Variants in RAPH1 observed in about 807,000 individuals in gnomAD.
RAPH1 encodes ras-associated and pleckstrin homology domains-containing protein 1.
A neutral mutation model predicts 88.1 loss-of-function variants in RAPH1; 18 were observed. That is an observed-to-expected ratio of 0.20 (90% CI 0.14 to 0.30). The LOEUF is 0.30. Ranked by LOEUF, RAPH1 falls within the 10% of genes least tolerant of loss-of-function variation. RAPH1 has a pLI of 1.00. For synonymous variants in RAPH1, 587 were observed against 559.0 expected (o/e 1.05, Z -0.71); for missense variants, 1,448 against 1,543.2 (o/e 0.94, Z 1.03).
rs752899091 is a variant in RAPH1, at chr2:203,440,682, G to C, written c.2508C>G (p.Pro836=). The C allele has an allele frequency of 1.3e-6, 2 of 1,582,390 alleles. No individual in the cohort carries two copies. Among genetic ancestry groups the C allele is most frequent in the Non-Finnish European group, 1.7e-6 (2 of 1,163,468 alleles). ...TCTGTTGCTTGGGTAATGTTGGCGG[G>C]GGTACTGGAACAGGAGGGGTAGGGG... ...PSPPTPPVPV[P]PPTLPKQQSF... The change falls in exon 14 of 14, where the codon CCC becomes CCG. Residue 836 remains proline (P), a synonymous_variant. Transcript: ENST00000319170.
chr2:203,520,222 C>G (rs922574895), intron 1 of RAPH1, among the ~76,000 whole-genome samples: 1 of 151,912 alleles, frequency 6.6e-6, no homozygotes, highest in Non-Finnish European at 1.5e-5. Context: ...GTCTCAGCAA[C>G]TTGGGAGGCT....
intron 1 of RAPH1, among the ~76,000 whole-genome samples, chr2:203,525,309 C>T (rs1270135006): frequency 2.6e-5 from 4 of 152,108 alleles, no homozygotes. Flanking sequence ...TGTCAGTTTC[C>T]AGAGTAGCTG....
intron 1 of RAPH1, among the ~76,000 whole-genome samples, chr2:203,529,005 ATTTT>A (rs66832810): frequency 7.5e-4 from 31 of 41,134 alleles, no homozygotes; most frequent in African/African-American, 1.8e-3. Flanking sequence ...ATATATATAT[ATTTT>A]TTTTTTTTTT....
chr2:203,472,466 C>T (rs1444785523), intron 4 of RAPH1, among the ~76,000 whole-genome samples: 1 of 152,186 alleles, frequency 6.6e-6, no homozygotes, highest in Non-Finnish European at 1.5e-5. Flanking sequence ...CTTGCTTTCA[C>T]TTAAAAATAA....
intron 1 of RAPH1, among the ~76,000 whole-genome samples, chr2:203,534,141 C>G (rs553901077): frequency 6.6e-6 from 1 of 152,182 alleles, no homozygotes; most frequent in Non-Finnish European, 1.5e-5. Flanking sequence ...CTTTACTGTT[C>G]CTTAACGGTG....
intron 1 of RAPH1, among the ~76,000 whole-genome samples, chr2:203,505,843 G>GCGCA (rs1559493345): frequency 6.6e-6 from 1 of 152,072 alleles, no homozygotes; most frequent in African/African-American, 2.4e-5. Flanking sequence ...ACACACGCGC[G>GCGCA]CGCACGCACA....
intron 1 of RAPH1, among the ~76,000 whole-genome samples, chr2:203,506,743 T>G (rs1689026577): frequency 9.3e-6 from 1 of 107,148 alleles, no homozygotes; most frequent in Admixed American, 8.7e-5. Flanking sequence ...GATATATATC[T>G]ATATATATAT....
chr2:203,439,819 C>T lies in RAPH1; in HGVS notation c.3371G>A (p.Arg1124Gln), dbSNP rs757405263. The change falls in exon 14 of 14, where the codon CGA becomes CAA. Residue 1124 changes from arginine (R) to glutamine (Q), a missense_variant. Physicochemically the swap from Arg to Gln is conservative, Grantham distance 43. Around this residue, in one of 2 missense-constraint regions of RAPH1, gnomAD observed 935 missense variants for 890.1 expected, o/e 1.05. Coordinates refer to ENST00000319170, the MANE Select transcript of RAPH1 (RefSeq NM_213589.3). Reference protein sequence around the residue: ...MSVKKAPPPTRPKRNDSTRLT... With the variant: ...MSVKKAPPPTQPKRNDSTRLT... Reference sequence around the variant, plus strand: ...GCGGGTGCTATCATTCCGTTTGGGTCGTGTGGGTGGAGGGGCCTTCTTCAC... The same window carrying T: ...GCGGGTGCTATCATTCCGTTTGGGTTGTGTGGGTGGAGGGGCCTTCTTCAC... 1.4e-5 allele frequency: 23 copies of T among 1,613,964 alleles called. No homozygotes were observed. The highest frequency in any genetic ancestry group is 3.3e-5 in the South Asian group (3 of 91,074).
rs1207307604 is a variant in RAPH1, at chr2:203,444,910, A to C, written c.1734T>G (p.Ser578=). The change falls in exon 13 of 14, where the codon TCT becomes TCG. Residue 578 remains serine, a synonymous_variant. Coordinates refer to ENST00000319170, the MANE Select transcript of RAPH1 (RefSeq NM_213589.3). ...RSQSIVSSVF[S]EAWKRGTQLE... ...ACTGAGTGCCTCGTTTCCAGGCTTC[A>C]GAGAATACGGAGCTCACAATGCTCT... 5.6e-6 allele frequency: 9 copies of C among 1,614,072 alleles called. No individual in the cohort carries two copies. The highest frequency in any genetic ancestry group is 1.3e-5 in the African/African-American group (1 of 74,940).
Position 203,439,318 on chromosome 2 carries a change from C to T in RAPH1, c.*119G>A. On this transcript the variant is annotated 3_prime_UTR_variant, in exon 14 of 14. Transcript: ENST00000319170. The stretch of plus-strand genomic sequence containing the variant: ...TGTACACACACACATACACATATAG[C>T]TGGACACTACCTGAATAACATCATA... The T allele has an allele frequency of 1.1e-6, 1 of 892,932 alleles. No homozygotes were observed. The allele number at this position is 892,932 out of a possible 1,614,324, so 55.3% of individuals were successfully genotyped here.
intron 2 of RAPH1, among the ~76,000 whole-genome samples, chr2:203,491,671 C>T (rs1007060204): frequency 6.6e-6 from 1 of 152,092 alleles, no homozygotes; most frequent in African/African-American, 2.4e-5. Flanking sequence ...CCATGCCCGG[C>T]TAATTTTTGT....
At chr2:203,500,058 T>C (rs1688674470) in intron 1 of RAPH1, among the ~76,000 whole-genome samples, 1 of 152,132 alleles carries the variant, frequency 6.6e-6, no homozygotes, top group African/African-American at 2.4e-5. Flanking sequence ...GAAGCTTTGA[T>C]TTCATTGAAC....
At chr2:203,524,705 TAAGACAGGG>T (rs1419815841) in intron 1 of RAPH1, among the ~76,000 whole-genome samples, 3 of 152,094 alleles carry the variant, frequency 2.0e-5, no homozygotes, top group Non-Finnish European at 2.9e-5. Context: ...CAGATTGCCG[TAAGACAGGG>T]GTAGAGGGGG....
At chr2:203,466,407 T>C (rs1019655601) in intron 4 of RAPH1, among the ~76,000 whole-genome samples, 12 of 152,244 alleles carry the variant, frequency 7.9e-5, no homozygotes, top group East Asian at 1.9e-4. Context: ...CTGGGAAAAA[T>C]AGAAATTGTC....
At chr2:203,441,707 G>A in intron 13 of RAPH1, 1 of 1,303,514 alleles carries the variant, frequency 7.7e-7, no homozygotes, top group African/African-American at 1.5e-5. Flanking sequence ...GTGACAGGAT[G>A]CATGACTTCT....
At position 203,505,560 on chromosome 2, in the gene RAPH1, A is replaced by G. The variant is rs138810863; in HGVS notation, c.1-10207T>C. Among the ~76,000 whole-genome samples the G allele has an allele frequency of 7.7e-4, 117 of 152,316 alleles. 1 individual carries two copies. Among genetic ancestry groups the G allele is most frequent in the Middle Eastern group, 3.4e-3 (1 of 294 alleles). ...AAGTGGAAAAATACAATTTAGTTCA[A>G]CGCTCTACAAAGAAACCCCTAACAT... On this transcript the variant is annotated intron_variant, in intron 1 of 13. Coordinates refer to ENST00000319170, the MANE Select transcript of RAPH1 (RefSeq NM_213589.3).
intron 4 of RAPH1, among the ~76,000 whole-genome samples, chr2:203,466,997 G>A (rs2098529039): frequency 6.6e-6 from 1 of 152,016 alleles, no homozygotes; most frequent in Admixed American, 6.5e-5. Context: ...TGAAATTAAG[G>A]GGCTAAACAG....
intron 1 of RAPH1, among the ~76,000 whole-genome samples, chr2:203,526,968 G>A (rs13021749): frequency 1.3e-5 from 2 of 151,930 alleles, no homozygotes; most frequent in Non-Finnish European, 2.9e-5. Context: ...GTTTTTAGTA[G>A]AGACAGGGTT....
At chr2:203,506,861 T>G (rs1412641410) in intron 1 of RAPH1, among the ~76,000 whole-genome samples, 2 of 87,222 alleles carry the variant, frequency 2.3e-5, no homozygotes, top group African/African-American at 5.4e-5. Context: ...TATATCTATA[T>G]ATATATATAT....
Sources: gnomAD v4.1 joint callset for allele counts (sites outside exome capture counted in the v4.1 genomes callset) on GRCh38, gnomAD v4.1.1 for gene constraint, gnomAD v4.1.1 regional missense constraint, MANE v1.5 for transcripts, NCBI Gene and HGNC (gene_info 2026-07-23, HGNC 2026-07-21) for gene names.